The following ZNF514 variants were observed in gnomAD, a reference collection of about 807,000 sequenced individuals.
ZNF514 encodes zinc finger protein 514.
Under a neutral mutation model 9.7 loss-of-function variants are expected in ZNF514, and 12 were observed. The ratio of observed to expected loss-of-function variants is 1.24; its 90% CI spans 0.79 to 2.01. ZNF514 has a LOEUF of 2.01. Ranked by LOEUF, ZNF514 falls within the 30% of genes most tolerant of loss-of-function variation. ZNF514 has a pLI of 0.00. For synonymous variants in ZNF514, 158 were observed against 163.7 expected (o/e 0.97, Z 0.27); for missense variants, 467 against 465.5 (o/e 1.00, Z -0.03).
chr2:95,139,838 A>G, the ZNF514 span, among the ~76,000 whole-genome samples: 1 of 152,176 alleles, frequency 6.6e-6, no homozygotes, highest in Non-Finnish European at 1.5e-5. Flanking sequence ...TGTAATACCA[A>G]TGTTGAGGGT....
intron 2 of ZNF514, chr2:95,153,926 A>T (rs1673614570): frequency 6.6e-6 from 1 of 152,266 alleles, no homozygotes; most frequent in African/African-American, 2.4e-5. Flanking sequence ...CTTTTACACC[A>T]AAGTATTTAA....
chr2:95,150,132 C>A lies in ZNF514; in HGVS notation c.353G>T (p.Gly118Val). 6.2e-7 allele frequency: 1 copy of A among 1,611,502 alleles called. No individual in the cohort carries two copies. Residue 118 changes from glycine to valine, a missense_variant, in exon 5 of 5, where the codon GGT becomes GTT. Transcript: ENST00000295208. ...CTGCATCTCTAACTGGCCATCACAA[C>A]CGCAGGCTGCTTTCAACTTCGAGAA... ...LQFSKLKAAC[G>V]CDGQLEMQQI... is the part of the protein sequence containing the mutation.
chr2:95,140,277 TATA>T (rs1266542404), downstream of ZNF514, among the ~76,000 whole-genome samples: 1 of 152,076 alleles, frequency 6.6e-6, no homozygotes, highest in Non-Finnish European at 1.5e-5. Context: ...GAACTTAAAG[TATA>T]ATAATAATAA....
the ZNF514 span, among the ~76,000 whole-genome samples, chr2:95,139,464 G>A: frequency 2.0e-5 from 3 of 152,224 alleles, no homozygotes; most frequent in African/African-American, 7.2e-5. Context: ...GGAGCTTTGA[G>A]ATTTAATTAC....
intron 1 of ZNF514, chr2:95,158,747 T>C (rs982117914): frequency 4.1e-5 from 46 of 1,126,970 alleles, no homozygotes; most frequent in Non-Finnish European, 4.9e-5. Context: ...CCCCTCCACC[T>C]CCGCCACGGT....
At chr2:95,158,964 C>T in intron 1 of ZNF514, 1 of 1,289,302 alleles carries the variant, frequency 7.8e-7, no homozygotes, top group Non-Finnish European at 1.0e-6. Flanking sequence ...CAGAGCCAAA[C>T]CTGATGCTGT....
intron 1 of ZNF514, among the ~76,000 whole-genome samples, chr2:95,157,954 G>C (rs1488130960): frequency 6.6e-6 from 1 of 152,168 alleles, no homozygotes; most frequent in Non-Finnish European, 1.5e-5. Flanking sequence ...CCCAAGCTCT[G>C]TTAGGTCTCT....
chr2:95,138,318 G>A, the ZNF514 span, among the ~76,000 whole-genome samples: 2 of 152,164 alleles, frequency 1.3e-5, no homozygotes, highest in Non-Finnish European at 2.9e-5. Flanking sequence ...AGATGATGAG[G>A]GAAAGTTTGG....
At chr2:95,137,821 T>C in the ZNF514 span, among the ~76,000 whole-genome samples, 2 of 152,214 alleles carry the variant, frequency 1.3e-5, no homozygotes, top group Non-Finnish European at 2.9e-5. Flanking sequence ...AGTTTGGATA[T>C]TTGTCCCCAC....
chr2:95,138,165 T>C, the ZNF514 span, among the ~76,000 whole-genome samples: 1 of 152,198 alleles, frequency 6.6e-6, no homozygotes, highest in Admixed American at 6.5e-5. Flanking sequence ...TATTTCTTTA[T>C]AGCAATGCAA....
In ZNF514 at chr2:95,145,192, C is replaced by G. The variant is rs1192837376; in HGVS notation, c.*4090G>C. Among the ~76,000 whole-genome samples the G allele has an allele frequency of 6.6e-6, 1 of 152,110 alleles. No individual in the cohort carries two copies. The highest frequency in any genetic ancestry group is 1.5e-5 in the Non-Finnish European group (1 of 68,020). On this transcript the variant is annotated 3_prime_UTR_variant, in exon 5 of 5. Transcript: ENST00000295208. ...TAAGCACACAACCAACTGAATCGAC[C>G]CTTCCACTTGGCCAAGAGCATTCTA...
At chr2:95,153,844 A>G (rs566548534) in intron 2 of ZNF514, 3 of 152,336 alleles carry the variant, frequency 2.0e-5, no homozygotes, top group Non-Finnish European at 2.9e-5. Context: ...AACACCTCCC[A>G]TTTAGCTTAT....
chr2:95,144,464 C>A (rs535834582), downstream of ZNF514, among the ~76,000 whole-genome samples: 1 of 152,282 alleles, frequency 6.6e-6, no homozygotes, highest in South Asian at 2.1e-4. Context: ...AAACTCTGGA[C>A]ACCAAAACTC....
the ZNF514 span, among the ~76,000 whole-genome samples, chr2:95,128,913 T>C: frequency 6.6e-6 from 1 of 152,220 alleles, no homozygotes; most frequent in African/African-American, 2.4e-5. Flanking sequence ...TCCGACCCTC[T>C]CAAGGTGGGT....
chr2:95,159,658 CCCCCGCCCGCCA>C lies in ZNF514; in HGVS notation c.-526_-515del, dbSNP rs1442980963. 1 of 103,958 alleles carries C rather than the reference CCCCCGCCCGCCA, an allele frequency of 9.6e-6. No individual in the cohort carries two copies. Among genetic ancestry groups the C allele is most frequent in the Non-Finnish European group, 2.0e-5 (1 of 51,168 alleles). The allele number at this position is 103,958 out of a possible 1,614,324, so 6.4% of individuals were successfully genotyped here. Reference sequence around the variant, plus strand: ...GCCCCCGCCCGCCACCCCGCGCCAGCCCCCGCCCGCCACCCCGCGCCAGCCCCCGCGTCCGCC... The same window carrying C: ...GCCCCCGCCCGCCACCCCGCGCCAGCCCCCGCGCCAGCCCCCGCGTCCGCC... On this transcript the variant is annotated 5_prime_UTR_variant, in exon 1 of 5. Transcript: ENST00000295208.
At position 95,149,225 on chromosome 2, in the gene ZNF514, C is replaced by A. The variant is rs577295653; in HGVS notation, c.*57G>T. On this transcript the variant is annotated 3_prime_UTR_variant, in exon 5 of 5. Transcript: ENST00000295208. ...TTAGGATCTCTCTCTGATATGAATT[C>A]TTTAAGTTCCAGTGATGTCTGCACT... is the stretch of plus-strand genomic sequence containing the variant. 7 of 1,514,464 alleles carry A rather than the reference C, an allele frequency of 4.6e-6. No homozygotes were observed. The highest frequency in any genetic ancestry group is 4.1e-5 in the South Asian group (3 of 73,154). The allele number at this position is 1,514,464 out of a possible 1,614,324, so 93.8% of individuals were successfully genotyped here. A position where few individuals can be genotyped will look rare whatever the true frequency, so the allele number is the denominator to read the frequency against.
chr2:95,126,371 CAAA>C, the ZNF514 span, among the ~76,000 whole-genome samples: 12 of 51,430 alleles, frequency 2.3e-4, no homozygotes, highest in African/African-American at 5.4e-4. Context: ...AACTCCATCT[CAAA>C]AAAAAAAAAA....
At chr2:95,143,339 G>A (rs1278950988), downstream of ZNF514, among the ~76,000 whole-genome samples, 1 of 152,110 alleles carries the variant, frequency 6.6e-6, no homozygotes, top group African/African-American at 2.4e-5. Context: ...AAAGAACTTG[G>A]GCCAGGTGTG....
rs1370196466 is a variant in ZNF514 at position 95,159,716 on chromosome 2, G to GCCCCGCGCCAGC, written c.-584_-573dup. 1.3e-4 allele frequency: 18 copies of GCCCCGCGCCAGC among 134,406 alleles called. No homozygotes were observed. Among genetic ancestry groups the GCCCCGCGCCAGC allele is most frequent in the Non-Finnish European group, 2.3e-4 (14 of 61,900 alleles). 8.3% of individuals were successfully genotyped at this position (134,406 alleles called of 1,614,324 possible). ...CCGCCCCGCGCCAGCCCCCGCGTCC[G>GCCCCGCGCCAGC]CCCCGCGCCAGCCCCCGCGTCCGCC... is the stretch of plus-strand genomic sequence containing the variant. On this transcript the variant is annotated 5_prime_UTR_variant, in exon 1 of 5. Coordinates refer to ENST00000295208, the MANE Select transcript of ZNF514 (RefSeq NM_032788.3).
Sources: allele counts gnomAD v4.1 joint callset (sites outside exome capture counted in the v4.1 genomes callset), GRCh38; gene constraint gnomAD v4.1.1; transcripts MANE v1.5; gene names NCBI Gene and HGNC (gene_info 2026-07-23, HGNC 2026-07-21).